Variants in RASGRF2 observed in about 807,000 individuals in gnomAD.
The protein encoded by RASGRF2 is ras-specific guanine nucleotide-releasing factor 2.
A neutral mutation model predicts 151.0 loss-of-function variants in RASGRF2; 76 were observed. That is an observed-to-expected ratio of 0.50 (90% confidence interval 0.42 to 0.61). RASGRF2 has a LOEUF of 0.61. RASGRF2 is among the 20% of genes least tolerant of loss of function. RASGRF2 has a pLI of 0.00. For synonymous variants in RASGRF2, 504 were observed against 566.5 expected, an observed-to-expected ratio of 0.89 and a Z score of 1.57; for missense variants, 1,148 against 1,564.6, an observed-to-expected ratio of 0.73 and a Z score of 4.49.
intron 1 of RASGRF2, among the ~76,000 whole-genome samples, chr5:81,015,390 T>G (rs1235055868): frequency 2.0e-5 from 3 of 152,000 alleles, no homozygotes; most frequent in African/African-American, 7.2e-5. Flanking sequence ...GAACTTAAAG[T>G]AAAATTAAAA....
intron 18 of RASGRF2, among the ~76,000 whole-genome samples, chr5:81,196,723 C>T (rs1755274253): frequency 6.6e-6 from 1 of 151,498 alleles, no homozygotes; most frequent in South Asian, 2.1e-4. Context: ...AAACAGTAAC[C>T]TGATATCCTT....
At chr5:81,004,703 C>G (rs1219342069) in intron 1 of RASGRF2, among the ~76,000 whole-genome samples, 1 of 152,188 alleles carries the variant, frequency 6.6e-6, no homozygotes, top group South Asian at 2.1e-4. Flanking sequence ...GGTGGTCATT[C>G]CATCAGTTGA....
chr5:80,979,439 A>G (rs1270459034), intron 1 of RASGRF2, among the ~76,000 whole-genome samples: 1 of 152,244 alleles, frequency 6.6e-6, no homozygotes, highest in Non-Finnish European at 1.5e-5. Context: ...TGAAGGCACA[A>G]AGTAGGAATG....
intron 2 of RASGRF2, among the ~76,000 whole-genome samples, chr5:81,051,896 A>G (rs1005293498): frequency 1.3e-5 from 2 of 152,226 alleles, no homozygotes; most frequent in Non-Finnish European, 2.9e-5. Flanking sequence ...GGAGATGCCA[A>G]ACTGTTTTCT....
chr5:81,042,855 T>C (rs1195091868), intron 1 of RASGRF2, 22 bp from the exon 2 acceptor site: 1 of 1,546,734 alleles, frequency 6.5e-7, no homozygotes, highest in Non-Finnish European at 8.8e-7. Flanking sequence ...ACTAAGTTTT[T>C]TGTGTTTCTT....
At chr5:81,192,244 T>C (rs545005442) in intron 18 of RASGRF2, among the ~76,000 whole-genome samples, 1 of 152,364 alleles carries the variant, frequency 6.6e-6, no homozygotes, top group South Asian at 2.1e-4. Flanking sequence ...ATATATTTTC[T>C]CTACATTCTG....
intron 2 of RASGRF2, among the ~76,000 whole-genome samples, chr5:81,052,655 G>A (rs1399994044): frequency 6.6e-6 from 1 of 152,224 alleles, no homozygotes; most frequent in Non-Finnish European, 1.5e-5. Context: ...AGCCAATGAA[G>A]TGGAGATACT....
chr5:80,988,603 A>G (rs1748551093), intron 1 of RASGRF2, among the ~76,000 whole-genome samples: 1 of 152,192 alleles, frequency 6.6e-6, no homozygotes, highest in Non-Finnish European at 1.5e-5. Flanking sequence ...GTCTGCTTTC[A>G]GATGCTGACT....
chr5:81,052,258 C>T (rs958762046), intron 2 of RASGRF2, among the ~76,000 whole-genome samples: 5 of 152,278 alleles, frequency 3.3e-5, no homozygotes, highest in African/African-American at 1.2e-4. Context: ...AGAAGCACTC[C>T]TTAAAATTTC....
rs571039409 is a variant in RASGRF2, at chr5:81,017,913, C to T, written c.289-24964C>T. Among the ~76,000 whole-genome samples, 156 of 152,224 alleles carry T rather than the reference C, an allele frequency of 1.0e-3. 1 individual carries two copies. The highest frequency in any genetic ancestry group is 3.7e-3 in the African/African-American group (154 of 41,548). On this transcript the variant is annotated intron_variant, in intron 1 of 26. Transcript: ENST00000265080. ...AGGAGTTTGAGACCAGCCTGGCCAACATGGCAAAACCCCATCTCTAATAAA... is the reference window on the plus strand; with the variant it reads ...AGGAGTTTGAGACCAGCCTGGCCAATATGGCAAAACCCCATCTCTAATAAA...
chr5:81,205,759 T>C (rs1755491945), intron 19 of RASGRF2, among the ~76,000 whole-genome samples: 2 of 152,210 alleles, frequency 1.3e-5, no homozygotes. Flanking sequence ...ATTTTATTTA[T>C]TTATTTTTGA....
chr5:81,132,367 TTTG>T (rs1486554472), intron 17 of RASGRF2, among the ~76,000 whole-genome samples: 1 of 152,174 alleles, frequency 6.6e-6, no homozygotes, highest in African/African-American at 2.4e-5. Context: ...TTTTAAATTG[TTTG>T]TTGTTGTTGT....
At position 81,217,398 on chromosome 5, in the gene RASGRF2, A is replaced by G. The variant is rs765373764; in HGVS notation, c.3477A>G (p.Thr1159=). The change falls in exon 25 of 27, where the codon ACA becomes ACG. Residue 1159 remains threonine, a synonymous_variant. Transcript: ENST00000265080. ...TTCCTTATCTTGGGATGTACTTGAC[A>G]GACCTGGCATTTATTGAAGAAGGAA... ...PAVPYLGMYL[T]DLAFIEEGTP... The G allele has an allele frequency of 5.6e-6, 9 of 1,613,418 alleles. No individual in the cohort carries two copies. Among genetic ancestry groups the G allele is most frequent in the Non-Finnish European group, 7.6e-6 (9 of 1,179,864 alleles).
rs5869074 is a variant in RASGRF2 at position 81,164,456 on chromosome 5, GAA to G, written c.2687-15708_2687-15707del. Among the ~76,000 whole-genome samples, 375 of 147,442 alleles carry G rather than the reference GAA, an allele frequency of 2.5e-3. 1 individual carries two copies. The highest frequency in any genetic ancestry group is 8.5e-3 in the African/African-American group (344 of 40,270). The stretch of plus-strand genomic sequence containing the variant: ...GACTCAAAATTGGGCCACGTTTGAT[GAA>G]AAAAAAAAAACCCTCATGAAGTTTA... On this transcript the variant is annotated intron_variant, in intron 17 of 26. Transcript: ENST00000265080.
intron 1 of RASGRF2, among the ~76,000 whole-genome samples, chr5:81,037,154 A>T (rs6867357): frequency 6.6e-6 from 1 of 152,096 alleles, no homozygotes; most frequent in South Asian, 2.1e-4. Context: ...AGCCACCCCC[A>T]TGATTCAATT....
chr5:81,094,933 GTTGTC>G lies in RASGRF2; in HGVS notation c.1701_1705del (p.Leu568SerfsTer13). The G allele has an allele frequency of 6.2e-7, 1 of 1,603,166 alleles. No homozygotes were observed. Among genetic ancestry groups the G allele is most frequent in the Non-Finnish European group, 8.5e-7 (1 of 1,173,424 alleles). ...GCCTCCTGACGCTGCCGCCTTCACT[GTTGTC>G]TTGTTAGCACCCTCACGCCAGGAGA... is the stretch of plus-strand genomic sequence containing the variant. On this transcript the variant is annotated frameshift_variant, in exon 12 of 27. Transcript: ENST00000265080. LOFTEE classifies it high-confidence loss of function.
At chr5:81,087,700 G>T in intron 9 of RASGRF2, 1 of 330,902 alleles carries the variant, frequency 3.0e-6, no homozygotes, top group Non-Finnish European at 5.5e-6. Flanking sequence ...CTCTGGGGGA[G>T]GGGAGAATGC....
intron 17 of RASGRF2, among the ~76,000 whole-genome samples, chr5:81,176,522 A>C (rs553059517): frequency 1.3e-5 from 2 of 152,128 alleles, no homozygotes; most frequent in South Asian, 4.2e-4. Context: ...CTTGGCGGTG[A>C]TGATGGAGGG....
chr5:81,180,306 C>T (rs765492459), intron 18 of RASGRF2, 25 bp downstream of exon 18: 1 of 1,373,414 alleles, frequency 7.3e-7, no homozygotes, highest in African/African-American at 1.4e-5. Context: ...TCATTAATTA[C>T]TTGCAAGGAT....
Sources: gnomAD v4.1 joint callset for allele counts (sites outside exome capture counted in the v4.1 genomes callset) on GRCh38, gnomAD v4.1.1 for gene constraint, MANE v1.5 for transcripts, NCBI Gene and HGNC (gene_info 2026-07-23, HGNC 2026-07-21) for gene names.